The following ZNF257 variants were observed in gnomAD, a reference collection of about 807,000 sequenced individuals.
ZNF257 encodes the protein bone marrow zinc finger 4.
Under a neutral mutation model 11.9 loss-of-function variants are expected in ZNF257, and 12 were observed. The observed-to-expected ratio is 1.01, with a 90% CI of 0.65 to 1.63. The LOEUF is 1.63. Among genes scored for constraint, ZNF257 ranks in the 40% most tolerant of loss-of-function variants. The pLI is 0.00. For missense variants in ZNF257, 580 were observed against 665.5 expected (o/e 0.87, Z 1.41); for synonymous variants, 183 against 222.7 (o/e 0.82, Z 1.59).
At chr19:22,081,405 G>A (rs2022358090) in intron 3 of ZNF257, among the ~76,000 whole-genome samples, 1 of 151,618 alleles carries the variant, frequency 6.6e-6, no homozygotes, top group Non-Finnish European at 1.5e-5. Flanking sequence ...ATGGAATATA[G>A]ATTTTTTTCA....
rs544558394 is a variant in ZNF257, at chr19:22,088,583, T to C, written c.833T>C (p.Ile278Thr). The C allele has an allele frequency of 1.3e-5, 21 of 1,612,606 alleles. No individual in the cohort carries two copies. In the African/African-American group the frequency reaches 1.6e-4, roughly 12 times the overall value. The stretch of plus-strand genomic sequence containing the variant: ...TCACACATTACTCAACATAAGAGAA[T>C]TCATAATAGAGAGAAGCCCTTCAAA... ...RSSHITQHKR[I>T]HNREKPFKYD... is the part of the protein sequence containing the mutation. The change falls in exon 4 of 4, where the codon ATT becomes ACT. Residue 278 changes from isoleucine (I) to threonine (T), a missense_variant. Coordinates refer to ENST00000594947, the MANE Select transcript of ZNF257 (RefSeq NM_033468.4).
chr19:22,079,616 A>G (rs1196480170), intron 3 of ZNF257, among the ~76,000 whole-genome samples: 1 of 152,056 alleles, frequency 6.6e-6, no homozygotes, highest in Non-Finnish European at 1.5e-5. Flanking sequence ...TATCACAAGA[A>G]CAGCACAGGA....
At chr19:22,067,243 G>A (rs73930392) in intron 1 of ZNF257, among the ~76,000 whole-genome samples, 7,391 of 152,124 alleles carry the variant, frequency 0.049, 636 homozygotes, top group African/African-American at 0.17. Context: ...TACCTCTTTC[G>A]TTGACTCTTG....
At chr19:22,086,660 T>A (rs1399490277) in intron 3 of ZNF257, among the ~76,000 whole-genome samples, 5 of 152,108 alleles carry the variant, frequency 3.3e-5, no homozygotes, top group East Asian at 3.9e-4. Context: ...CTTTTTTTTT[T>A]ATTTATTTGG....
intron 1 of ZNF257, among the ~76,000 whole-genome samples, chr19:22,069,175 G>A (rs1270428740): frequency 6.6e-6 from 1 of 152,130 alleles, no homozygotes; most frequent in Non-Finnish European, 1.5e-5. Context: ...AGATGTAGCA[G>A]TCATGGTCCC....
At chr19:22,077,971 G>A (rs562219901) in intron 3 of ZNF257, among the ~76,000 whole-genome samples, 5 of 151,906 alleles carry the variant, frequency 3.3e-5, no homozygotes, top group Non-Finnish European at 5.9e-5. Flanking sequence ...CAGGCACGGT[G>A]GCTCATGCTT....
chr19:22,063,171 G>A (rs1471302524), intron 1 of ZNF257, among the ~76,000 whole-genome samples: 1 of 152,126 alleles, frequency 6.6e-6, no homozygotes, highest in Admixed American at 6.6e-5. Context: ...GTGCATAGTA[G>A]ACTTCAGTAG....
chr19:22,077,330 A>G (rs548312070), intron 3 of ZNF257, among the ~76,000 whole-genome samples: 2 of 152,102 alleles, frequency 1.3e-5, no homozygotes, highest in South Asian at 2.1e-4. Flanking sequence ...AAAAAATGGT[A>G]TACATTTCAG....
chr19:22,057,922 G>T (rs2021686467), intron 1 of ZNF257, among the ~76,000 whole-genome samples: 1 of 152,066 alleles, frequency 6.6e-6, no homozygotes, highest in African/African-American at 2.4e-5. Context: ...ATCATGTCTG[G>T]CTAAATTTTT....
rs143468104 is a variant in ZNF257, at chr19:22,073,033, T to C, written c.130+98T>C. 9.2e-3 allele frequency: 12,010 copies of C among 1,311,238 alleles called. 82 individuals are homozygous for C. The highest frequency in any genetic ancestry group is 0.013 in the Middle Eastern group (56 of 4,462). The allele number at this position is 1,311,238 out of a possible 1,614,324, so 81.2% of individuals were successfully genotyped here. On this transcript the variant is annotated intron_variant, in intron 2 of 3. Coordinates refer to ENST00000594947, the MANE Select transcript of ZNF257 (RefSeq NM_033468.4). ...AGAATGTTTTTTGGTAATTTGGTAA[T>C]TTTTGATAATTATGTTTTGCATAAA...
chr19:22,052,967 C>T (rs1173000982), intron 1 of ZNF257, among the ~76,000 whole-genome samples: 2 of 151,976 alleles, frequency 1.3e-5, no homozygotes, highest in East Asian at 1.9e-4. Context: ...ACTCGGGGTG[C>T]GGGGTTCATG....
chr19:22,079,665 C>G (rs1204349399), intron 3 of ZNF257, among the ~76,000 whole-genome samples: 2 of 152,130 alleles, frequency 1.3e-5, no homozygotes, highest in Non-Finnish European at 2.9e-5. Context: ...CTCCCTGTCT[C>G]TCTCATGACA....
intron 3 of ZNF257, among the ~76,000 whole-genome samples, chr19:22,085,747 G>C (rs1307118885): frequency 6.6e-6 from 1 of 151,154 alleles, no homozygotes; most frequent in Non-Finnish European, 1.5e-5. Context: ...TTTTTCATAG[G>C]TTCCCCATCA....
intron 1 of ZNF257, among the ~76,000 whole-genome samples, chr19:22,063,854 A>G (rs2021870178): frequency 6.6e-6 from 1 of 152,220 alleles, no homozygotes; most frequent in Non-Finnish European, 1.5e-5. Flanking sequence ...AGAGTTCTGT[A>G]GATATCCATT....
At chr19:22,077,115 A>C (rs2022244360) in intron 3 of ZNF257, among the ~76,000 whole-genome samples, 2 of 152,106 alleles carry the variant, frequency 1.3e-5, no homozygotes, top group Admixed American at 1.3e-4. Context: ...AAATGTTGAG[A>C]CCAGCCTGGG....
chr19:22,070,551 T>G (rs970878717), intron 1 of ZNF257, among the ~76,000 whole-genome samples: 1 of 152,146 alleles, frequency 6.6e-6, no homozygotes, highest in Non-Finnish European at 1.5e-5. Context: ...CTTGTACATG[T>G]TATTTAAACG....
Position 22,073,699 on chromosome 19 carries a change from ATT to A in ZNF257, c.226+144_226+145del. ...ATAGTTTCTGGAAGCCTGAGTTTGC[ATT>A]TTTTTTTTCTTTGCTCTCACATAGG... On this transcript the variant is annotated intron_variant, in intron 3 of 3. Coordinates refer to ENST00000594947, the MANE Select transcript of ZNF257 (RefSeq NM_033468.4). 6.3e-6 allele frequency: 7 copies of A among 1,114,842 alleles called. No individual in the cohort carries two copies. In the South Asian group the frequency reaches 9.0e-5, roughly 14 times the overall value. 69.1% of individuals were successfully genotyped at this position (1,114,842 alleles called of 1,614,324 possible). A position where few individuals can be genotyped will look rare whatever the true frequency, so the allele number is the denominator to read the frequency against.
rs1433245673 is a variant in ZNF257 at position 22,090,161 on chromosome 19, CAG to C, written c.*724_*725del. 5 of 152,130 alleles carry C rather than the reference CAG, an allele frequency of 3.3e-5. No homozygotes were observed. The highest frequency in any genetic ancestry group is 6.5e-5 in the Admixed American group (1 of 15,274). The allele number at this position is 152,130 out of a possible 1,614,324, so 9.4% of individuals were successfully genotyped here. Reference sequence around the variant, plus strand: ...TAATATTTGCTCACATATTACACATCAGAGAGTTCATACTTAATAAAAGTATT... The same window carrying C: ...TAATATTTGCTCACATATTACACATCAGAGTTCATACTTAATAAAAGTATT... On this transcript the variant is annotated 3_prime_UTR_variant, in exon 4 of 4. Coordinates refer to ENST00000594947, the MANE Select transcript of ZNF257 (RefSeq NM_033468.4).
At chr19:22,083,239 G>A (rs113661911) in intron 3 of ZNF257, among the ~76,000 whole-genome samples, 1,958 of 152,216 alleles carry the variant, frequency 0.013, 15 homozygotes, top group Non-Finnish European at 0.019. Flanking sequence ...GGAGGGCGAC[G>A]TGGGTGGATA....
Sources: gnomAD v4.1 joint callset for allele counts (sites outside exome capture counted in the v4.1 genomes callset) on GRCh38, gnomAD v4.1.1 for gene constraint, MANE v1.5 for transcripts, NCBI Gene and HGNC (gene_info 2026-07-23, HGNC 2026-07-21) for gene names.